VWA8: variants seen among roughly 807,000 people sequenced by gnomAD.
VWA8 encodes von Willebrand factor A domain containing 8.
A neutral mutation model predicts 241.5 loss-of-function variants in VWA8; 221 were observed. The observed-to-expected ratio is 0.91, with a 90% CI of 0.82 to 1.02. The LOEUF is 1.02. Among genes scored for constraint, VWA8 ranks in the 50% least tolerant of loss-of-function variants. VWA8 has a pLI of 0.00. For synonymous variants in VWA8, 852 were observed against 827.1 expected (o/e 1.03, Z -0.52); for missense variants, 2,322 against 2,328.7 (o/e 1.00, Z 0.06).
intron 40 of VWA8, among the ~76,000 whole-genome samples, chr13:41,604,575 A>C (rs550866677): frequency 1.3e-4 from 20 of 152,302 alleles, no homozygotes; most frequent in Non-Finnish European, 2.6e-4. Context: ...AATTACAAAT[A>C]AGAACCAAAA....
chr13:41,587,682 A>G lies in VWA8; in HGVS notation c.5113-12T>C. Reference sequence around the variant, plus strand: ...TGTGGGCTGCCAAGCTGAGGGAAGGAATAACAGAAAAGCCGTTTGTGAACT... The same window carrying G: ...TGTGGGCTGCCAAGCTGAGGGAAGGGATAACAGAAAAGCCGTTTGTGAACT... On this transcript the variant is annotated splice_polypyrimidine_tract_variant and intron_variant, in intron 41 of 44. Coordinates refer to ENST00000379310, the MANE Select transcript of VWA8 (RefSeq NM_015058.2). The G allele has an allele frequency of 1.2e-6, 2 of 1,613,394 alleles. No individual in the cohort carries two copies. The highest frequency in any genetic ancestry group is 8.5e-7 in the Non-Finnish European group (1 of 1,179,482).
At chr13:41,608,537 G>T (rs940335248) in intron 39 of VWA8, among the ~76,000 whole-genome samples, 1 of 152,080 alleles carries the variant, frequency 6.6e-6, no homozygotes, top group African/African-American at 2.4e-5. Flanking sequence ...TTATTGTTAC[G>T]TAAGAGTCTG....
At chr13:41,653,156 T>C (rs1312014055) in intron 37 of VWA8, among the ~76,000 whole-genome samples, 2 of 152,236 alleles carry the variant, frequency 1.3e-5, no homozygotes, top group East Asian at 3.8e-4. Context: ...AAATCTTTAA[T>C]GAGATTGATA....
intron 42 of VWA8, among the ~76,000 whole-genome samples, chr13:41,578,407 G>A (rs1457186877): frequency 6.6e-5 from 10 of 151,982 alleles, no homozygotes; most frequent in Admixed American, 5.9e-4. Flanking sequence ...ACCATTCCCT[G>A]GCGTTACTGC....
chr13:41,721,456 C>T lies in VWA8; in HGVS notation c.2878G>A (p.Gly960Arg). The change falls in exon 25 of 45, where the codon GGA becomes AGA. Residue 960 changes from glycine (G) to arginine (R), a missense_variant. By Grantham distance (125) the Gly-to-Arg change is moderately radical. Coordinates refer to ENST00000379310, the MANE Select transcript of VWA8 (RefSeq NM_015058.2). Reference sequence around the variant, plus strand: ...TGGTCAGCCAAACTCCTCAGCTCTCCAAAGGCAGCCACAAGCTTCTGAAGG... The same window carrying T: ...TGGTCAGCCAAACTCCTCAGCTCTCTAAAGGCAGCCACAAGCTTCTGAAGG... ...PILQKLVAAFGELRSLADQGI... is the reference protein window; with the variant it reads ...PILQKLVAAFRELRSLADQGI... 3.7e-6 allele frequency: 6 copies of T among 1,613,870 alleles called. No homozygotes were observed. The highest frequency in any genetic ancestry group is 5.1e-6 in the Non-Finnish European group (6 of 1,179,862).
At chr13:41,745,424 T>C (rs1027291533) in intron 21 of VWA8, among the ~76,000 whole-genome samples, 1 of 152,066 alleles carries the variant, frequency 6.6e-6, no homozygotes, top group African/African-American at 2.4e-5. Flanking sequence ...ATTGCTCACG[T>C]ACAGAATGGG....
At chr13:41,577,648 C>T (rs2044358942) in intron 42 of VWA8, among the ~76,000 whole-genome samples, 1 of 152,208 alleles carries the variant, frequency 6.6e-6, no homozygotes, top group Non-Finnish European at 1.5e-5. Context: ...GGGGAAAGTT[C>T]TCCTGAGAAA....
intron 43 of VWA8, among the ~76,000 whole-genome samples, chr13:41,573,912 G>A (rs964820311): frequency 2.0e-5 from 3 of 152,038 alleles, no homozygotes; most frequent in Non-Finnish European, 2.9e-5. Context: ...GTGCGCCACC[G>A]TGCCTGGCCG....
chr13:41,805,600 G>C (rs1207981167), intron 17 of VWA8, among the ~76,000 whole-genome samples: 7 of 151,922 alleles, frequency 4.6e-5, no homozygotes, highest in Non-Finnish European at 8.8e-5. Context: ...GATCACCTGA[G>C]GTTGGGAGTT....
chr13:41,589,058 CTAAA>C (rs899343962), intron 41 of VWA8, among the ~76,000 whole-genome samples: 5 of 152,130 alleles, frequency 3.3e-5, no homozygotes, highest in African/African-American at 1.2e-4. Flanking sequence ...CAGATCCTCT[CTAAA>C]TAAATATTTA....
rs957128385 is a variant in VWA8 at position 41,679,850 on chromosome 13, C to T, written c.4328-4554G>A. Among the ~76,000 whole-genome samples the T allele has an allele frequency of 5.3e-5, 8 of 151,210 alleles. 1 individual carries two copies. Among genetic ancestry groups the T allele is most frequent in the Non-Finnish European group, 8.9e-5 (6 of 67,780 alleles). On this transcript the variant is annotated intron_variant, in intron 35 of 44. Coordinates refer to ENST00000379310, the MANE Select transcript of VWA8 (RefSeq NM_015058.2). ...AAACAGCCCTGCTTTACCCCCTACC[C>T]GCCCCCGGCCGCCCCACCATTTCCT...
At chr13:41,730,194 A>T (rs538771767) in intron 22 of VWA8, among the ~76,000 whole-genome samples, 4 of 152,276 alleles carry the variant, frequency 2.6e-5, no homozygotes, top group African/African-American at 9.6e-5. Context: ...CAAACTCAAG[A>T]AATCCTGGGG....
intron 42 of VWA8, among the ~76,000 whole-genome samples, chr13:41,585,858 C>T (rs374060971): frequency 7.6e-4 from 105 of 137,802 alleles, no homozygotes; most frequent in Middle Eastern, 3.8e-3. Context: ...AGTGAGACAC[C>T]GTCTTAAAAA....
intron 12 of VWA8, among the ~76,000 whole-genome samples, chr13:41,846,571 A>G (rs1872299362): frequency 6.6e-6 from 1 of 152,244 alleles, no homozygotes; most frequent in African/African-American, 2.4e-5. Flanking sequence ...TCAAATTTTA[A>G]TATAACAATA....
chr13:41,768,152 T>C (rs1208830323), intron 20 of VWA8, among the ~76,000 whole-genome samples: 1 of 152,236 alleles, frequency 6.6e-6, no homozygotes, highest in Non-Finnish European at 1.5e-5. Flanking sequence ...CTGCTGGAGC[T>C]ATTAGACACT....
chr13:41,779,735 T>C (rs1868799315), intron 19 of VWA8, among the ~76,000 whole-genome samples: 1 of 152,172 alleles, frequency 6.6e-6, no homozygotes, highest in Non-Finnish European at 1.5e-5. Context: ...TGGGCTAATC[T>C]ACGTTGAAAA....
chr13:41,575,793 C>T lies in VWA8; in HGVS notation c.5317G>A (p.Val1773Ile), dbSNP rs563747643. The change falls in exon 43 of 45, where the codon GTT (valine) becomes ATT (isoleucine). Residue 1773 changes from valine (V) to isoleucine (I), a missense_variant. Physicochemically the swap from Val to Ile is conservative, Grantham distance 29 (BLOSUM62 3). Coordinates refer to ENST00000379310, the MANE Select transcript of VWA8 (RefSeq NM_015058.2). ...TCCTTGGGGATTTTGTTCATTGGAA[C>T]CAGACCAATGTTGTAGCCATCTCCA... ...HSGDGYNIGL[V>I]PMNKIPKDNK... 1.2e-6 allele frequency: 2 copies of T among 1,613,376 alleles called. No homozygotes were observed. Among genetic ancestry groups the T allele is most frequent in the Non-Finnish European group, 8.5e-7 (1 of 1,179,912 alleles).
chr13:41,950,478 C>T (rs548680309), intron 1 of VWA8, among the ~76,000 whole-genome samples: 31 of 152,142 alleles, frequency 2.0e-4, no homozygotes, highest in African/African-American at 7.2e-4. Flanking sequence ...ACACCATTCT[C>T]CTGCCTCAGC....
At chr13:41,681,090 G>A (rs370082640) in intron 35 of VWA8, among the ~76,000 whole-genome samples, 3 of 152,252 alleles carry the variant, frequency 2.0e-5, no homozygotes, top group African/African-American at 7.2e-5. Context: ...ATCTGATTGG[G>A]TTCCCCATTC....
Sources: allele counts gnomAD v4.1 joint callset (sites outside exome capture counted in the v4.1 genomes callset), GRCh38; gene constraint gnomAD v4.1.1; transcripts MANE v1.5; gene names NCBI Gene and HGNC (gene_info 2026-07-23, HGNC 2026-07-21).